TYW1: variants seen among roughly 807,000 people sequenced by gnomAD.
TYW1 encodes tRNA-yW synthesizing protein 1 homolog, also known as S-adenosyl-L-methionine-dependent tRNA 4-demethylwyosine synthase TYW1.
In TYW1, 46 loss-of-function variants were observed where a neutral mutation model predicts 96.2. The observed-to-expected ratio is 0.48, with a 90% CI of 0.38 to 0.61. The LOEUF is 0.61. Among genes scored for constraint, TYW1 ranks in the 20% least tolerant of loss-of-function variants. The pLI is 0.00. For missense variants in TYW1, 684 were observed against 909.6 expected, an observed-to-expected ratio of 0.75 and a Z score of 3.19; for synonymous variants, 274 against 323.0, an observed-to-expected ratio of 0.85 and a Z score of 1.63.
chr7:67,007,253 G>T (rs189384979), intron 3 of TYW1, among the ~76,000 whole-genome samples: 46 of 152,050 alleles, frequency 3.0e-4, no homozygotes, highest in African/African-American at 1.1e-3. Context: ...GATACCTGGG[G>T]GTGTTACCAA....
chr7:67,074,071 C>CAAA (rs756494903), intron 10 of TYW1, among the ~76,000 whole-genome samples: 2 of 83,830 alleles, frequency 2.4e-5, no homozygotes, highest in Non-Finnish European at 4.9e-5. Flanking sequence ...TACTCCATCT[C>CAAA]AAAAAAAAAA....
intron 13 of TYW1, among the ~76,000 whole-genome samples, chr7:67,118,839 C>G (rs1453448612): frequency 1.4e-5 from 2 of 143,486 alleles, no homozygotes; most frequent in African/African-American, 2.5e-5. Context: ...GAGATTGCGC[C>G]ACTGCACTCC....
intron 7 of TYW1, among the ~76,000 whole-genome samples, chr7:67,034,948 G>A (rs1443002777): frequency 6.6e-6 from 1 of 152,186 alleles, no homozygotes; most frequent in African/African-American, 2.4e-5. Flanking sequence ...AGAAATGAGA[G>A]TACCTGTTCT....
At chr7:67,135,245 C>G (rs1294562128) in intron 13 of TYW1, among the ~76,000 whole-genome samples, 1 of 151,024 alleles carries the variant, frequency 6.6e-6, no homozygotes, top group East Asian at 1.9e-4. Flanking sequence ...CACTACCTAA[C>G]TCGAGAACAT....
chr7:67,032,511 C>T (rs1455218391), intron 7 of TYW1, among the ~76,000 whole-genome samples: 4 of 152,258 alleles, frequency 2.6e-5, no homozygotes, highest in African/African-American at 7.2e-5. Flanking sequence ...ATCTCAGCTA[C>T]TCGGGAGGCT....
At chr7:67,111,235 G>T (rs530293372) in intron 12 of TYW1, among the ~76,000 whole-genome samples, 2 of 150,978 alleles carry the variant, frequency 1.3e-5, no homozygotes, top group African/African-American at 2.4e-5. Flanking sequence ...ACGGAATCTT[G>T]CTCTGTCACC....
rs1327272712 is a variant in TYW1, at chr7:67,232,625, G to C, written c.1978-5683G>C. Among the ~76,000 whole-genome samples the C allele has an allele frequency of 3.0e-5, 4 of 134,134 alleles. 1 individual carries two copies. Among genetic ancestry groups the C allele is most frequent in the African/African-American group, 1.2e-4 (4 of 33,534 alleles). 88.0% of individuals were successfully genotyped at this position (134,134 alleles called of 152,430 possible). A position where few individuals can be genotyped will look rare whatever the true frequency, so the allele number is the denominator to read the frequency against. ...GACTCTATCTTGGAGTGATCTGCTG[G>C]ATCATTTCCTTAGGGAATCCCAACC... On this transcript the variant is annotated intron_variant, in intron 15 of 15. Coordinates refer to ENST00000359626, the MANE Select transcript of TYW1 (RefSeq NM_018264.4).
At chr7:67,020,503 G>C (rs1794214611) in intron 6 of TYW1, among the ~76,000 whole-genome samples, 2 of 152,286 alleles carry the variant, frequency 1.3e-5, no homozygotes, top group Admixed American at 6.5e-5. Flanking sequence ...CTCCCAAAGT[G>C]CTGGGATTAC....
chr7:67,009,669 T>C lies in TYW1; in HGVS notation c.360T>C (p.Asp120=). The change falls in exon 4 of 16, where the codon GAT becomes GAC. Residue 120 remains aspartate, a synonymous_variant. Coordinates refer to ENST00000359626, the MANE Select transcript of TYW1 (RefSeq NM_018264.4). ...ATCTAAAAGAATATGATCCAGATGA[T>C]CATCTGATAGAAGAGGTTGGTAATT... ...IINLKEYDPD[D]HLIEEVTSKN... 1 of 1,607,372 alleles carries C rather than the reference T, an allele frequency of 6.2e-7. No homozygotes were observed. The highest frequency in any genetic ancestry group is 8.5e-7 in the Non-Finnish European group (1 of 1,178,082).
intron 13 of TYW1, among the ~76,000 whole-genome samples, chr7:67,125,931 T>C (rs2140565): frequency 0.28 from 41,845 of 151,786 alleles, 6,624 homozygotes; most frequent in African/African-American, 0.44. Flanking sequence ...AACAATATTC[T>C]GTTGTCTGGA....
At chr7:67,095,983 T>C (rs1729088321) in intron 11 of TYW1, among the ~76,000 whole-genome samples, 1 of 152,220 alleles carries the variant, frequency 6.6e-6, no homozygotes, top group Non-Finnish European at 1.5e-5. Flanking sequence ...TAATGAACGT[T>C]TCTTGTGTGC....
chr7:67,023,472 A>C (rs1184047558), intron 6 of TYW1, among the ~76,000 whole-genome samples: 1 of 152,060 alleles, frequency 6.6e-6, no homozygotes, highest in Admixed American at 6.6e-5. Flanking sequence ...TCACCTCTTA[A>C]AAATCTCTTT....
rs113881777 is a variant in TYW1 at position 67,233,448 on chromosome 7, TCTAGCCAG to T, written c.1978-4858_1978-4851del. Among the ~76,000 whole-genome samples, 15 of 135,332 alleles carry T rather than the reference TCTAGCCAG, an allele frequency of 1.1e-4. 5 individuals carry two copies. The highest frequency in any genetic ancestry group is 4.4e-4 in the African/African-American group (15 of 33,980). 88.8% of individuals were successfully genotyped at this position (135,332 alleles called of 152,430 possible). On this transcript the variant is annotated intron_variant, in intron 15 of 15. Transcript: ENST00000359626. Reference sequence around the variant, plus strand: ...GAGAGTGGGAGCCTGCATTGCCTCATCTAGCCAGCAAGGCCACAGACCCTTAGCAGCCT... The same window carrying T: ...GAGAGTGGGAGCCTGCATTGCCTCATCAAGGCCACAGACCCTTAGCAGCCT...
intron 13 of TYW1, among the ~76,000 whole-genome samples, chr7:67,151,661 A>G (rs1798803988): frequency 6.6e-6 from 1 of 152,194 alleles, no homozygotes; most frequent in Non-Finnish European, 1.5e-5. Flanking sequence ...CAGATGGCAG[A>G]ATCTGAAAGT....
intron 13 of TYW1, among the ~76,000 whole-genome samples, chr7:67,165,010 G>T (rs556830847): frequency 6.8e-6 from 1 of 147,382 alleles, no homozygotes; most frequent in East Asian, 1.9e-4. Context: ...ATATTTTTCA[G>T]ATTCTTTAAT....
In TYW1 at chr7:67,101,390, G is replaced by A. The variant is rs185921825; in HGVS notation, c.1562+2672G>A. Among the ~76,000 whole-genome samples the A allele has an allele frequency of 2.1e-4, 32 of 152,254 alleles. No individual in the cohort carries two copies. The East Asian group carries it at 5.4e-3, about 26-fold the overall frequency. On this transcript the variant is annotated intron_variant, in intron 12 of 15. Transcript: ENST00000359626. The stretch of plus-strand genomic sequence containing the variant: ...GAACTTGAAGTGGCGGGGTTTGTCC[G>A]AGATGACGGTGCTCCTGCTCTGTCA...
At chr7:67,113,613 TTTTC>T (rs984663131) in intron 12 of TYW1, among the ~76,000 whole-genome samples, 10 of 151,404 alleles carry the variant, frequency 6.6e-5, no homozygotes, top group East Asian at 1.9e-4. Flanking sequence ...ACTGTTTTTC[TTTTC>T]TTTCTTTCTT....
intron 10 of TYW1, among the ~76,000 whole-genome samples, chr7:67,075,592 ATAT>A (rs1796177783): frequency 6.6e-6 from 1 of 152,236 alleles, no homozygotes; most frequent in East Asian, 1.9e-4. Flanking sequence ...AATGTTGAAA[ATAT>A]TATACTAAGT....
chr7:67,153,283 C>T (rs1463027697), intron 13 of TYW1, among the ~76,000 whole-genome samples: 1 of 152,100 alleles, frequency 6.6e-6, no homozygotes, highest in Non-Finnish European at 1.5e-5. Context: ...TGGCAAAGCC[C>T]CATCTCTACT....
Sources: allele counts gnomAD v4.1 joint callset (sites outside exome capture counted in the v4.1 genomes callset), GRCh38; gene constraint gnomAD v4.1.1; transcripts MANE v1.5; gene names NCBI Gene and HGNC (gene_info 2026-07-23, HGNC 2026-07-21).